WWOX: variants seen among roughly 807,000 people sequenced by gnomAD.
WWOX encodes the protein WW domain containing oxidoreductase, also known as WW domain-containing oxidoreductase.
WWOX carries 69 observed loss-of-function variants against 46.2 expected under a neutral mutation model. The observed-to-expected ratio is 1.49, with a 90% CI of 1.23 to 1.82. WWOX has a LOEUF of 1.82. WWOX is among the 40% of genes most tolerant of loss of function. The pLI, the probability that WWOX is intolerant of heterozygous loss-of-function variation, is 0.00. For synonymous variants in WWOX, 359 were observed against 202.6 expected, an observed-to-expected ratio of 1.77 and a Z score of -6.56; for missense variants, 919 against 542.6, an observed-to-expected ratio of 1.69 and a Z score of -6.89.
At chr16:79,132,686 G>T (rs183107822) in intron 8 of WWOX, among the ~76,000 whole-genome samples, 1 of 151,316 alleles carries the variant, frequency 6.6e-6, no homozygotes, top group Non-Finnish European at 1.5e-5. Flanking sequence ...TTATATTGTC[G>T]CTTAAAAAAA....
At chr16:79,052,363 A>G (rs1405356089) in intron 8 of WWOX, among the ~76,000 whole-genome samples, 1 of 152,360 alleles carries the variant, frequency 6.6e-6, no homozygotes, top group South Asian at 2.1e-4. Flanking sequence ...TACAAAGGAC[A>G]TGAACTCATC....
intron 8 of WWOX, among the ~76,000 whole-genome samples, chr16:78,921,453 TAAC>T (rs1359188450): frequency 1.3e-5 from 2 of 152,150 alleles, no homozygotes; most frequent in African/African-American, 2.4e-5. Context: ...AAAATCATAG[TAAC>T]AACAGCTCTT....
chr16:78,661,011 TACTATTAC>T, intron 8 of WWOX, among the ~76,000 whole-genome samples: 1 of 152,320 alleles, frequency 6.6e-6, no homozygotes, highest in South Asian at 2.1e-4. Flanking sequence ...ATCCATGTCT[TACTATTAC>T]ACATGACTTA....
chr16:78,785,741 G>C (rs946783869), intron 8 of WWOX, among the ~76,000 whole-genome samples: 2 of 152,024 alleles, frequency 1.3e-5, no homozygotes, highest in African/African-American at 4.8e-5. Context: ...TAAGAAGTAA[G>C]GCAAAAACAA....
At chr16:78,599,984 A>G (rs1490789194) in intron 8 of WWOX, among the ~76,000 whole-genome samples, 1 of 152,120 alleles carries the variant, frequency 6.6e-6, no homozygotes, top group Non-Finnish European at 1.5e-5. Context: ...TGCAGGAAAG[A>G]GGCTTAGTGG....
At chr16:79,170,919 C>G (rs1481916367) in intron 8 of WWOX, among the ~76,000 whole-genome samples, 5 of 152,204 alleles carry the variant, frequency 3.3e-5, no homozygotes, top group East Asian at 3.9e-4. Flanking sequence ...AGTGCCTTGC[C>G]TACAAATTTT....
intron 8 of WWOX, among the ~76,000 whole-genome samples, chr16:78,919,146 A>G (rs192850078): frequency 3.5e-4 from 53 of 152,298 alleles, no homozygotes; most frequent in Admixed American, 2.9e-3. Context: ...AATGACCGCA[A>G]TAACCAACAT....
chr16:78,928,200 T>A (rs901603101), intron 8 of WWOX, among the ~76,000 whole-genome samples: 8 of 147,592 alleles, frequency 5.4e-5, no homozygotes, highest in Non-Finnish European at 3.0e-5. Context: ...CCCTACCACT[T>A]TTCTTTTTTT....
chr16:78,134,537 A>G (rs1597248781), intron 4 of WWOX, among the ~76,000 whole-genome samples: 1 of 152,050 alleles, frequency 6.6e-6, no homozygotes, highest in East Asian at 1.9e-4. Flanking sequence ...TTATCTCTTC[A>G]TTCTCTGTTT....
chr16:78,587,037 T>G (rs189459139), intron 8 of WWOX, among the ~76,000 whole-genome samples: 2 of 152,062 alleles, frequency 1.3e-5, no homozygotes, highest in Non-Finnish European at 2.9e-5. Context: ...TTAGTGTTCC[T>G]TTTTTAGAGA....
At chr16:78,862,881 T>G (rs1032489504) in intron 8 of WWOX, among the ~76,000 whole-genome samples, 1 of 152,054 alleles carries the variant, frequency 6.6e-6, no homozygotes, top group Non-Finnish European at 1.5e-5. Context: ...CTAGAGATAA[T>G]GTTTAACATA....
At chr16:78,677,796 G>A (rs764822624) in intron 8 of WWOX, among the ~76,000 whole-genome samples, 5 of 152,170 alleles carry the variant, frequency 3.3e-5, no homozygotes, top group Non-Finnish European at 5.9e-5. Flanking sequence ...GGAACTGAGG[G>A]TGGTCAGTGA....
chr16:78,981,025 A>G (rs182579130), intron 8 of WWOX, among the ~76,000 whole-genome samples: 9 of 152,304 alleles, frequency 5.9e-5, no homozygotes, highest in African/African-American at 1.4e-4. Context: ...GTGTTGCGTC[A>G]TCATGGGGCA....
At chr16:79,100,928 C>A (rs1019467909) in intron 8 of WWOX, among the ~76,000 whole-genome samples, 1 of 151,742 alleles carries the variant, frequency 6.6e-6, no homozygotes, top group African/African-American at 2.4e-5. Flanking sequence ...GGGGTTTTCT[C>A]CATAGGGGTT....
intron 5 of WWOX, among the ~76,000 whole-genome samples, chr16:78,303,655 A>T (rs1184631377): frequency 6.6e-6 from 1 of 152,104 alleles, no homozygotes; most frequent in African/African-American, 2.4e-5. Flanking sequence ...AGCGATTCTC[A>T]TGCCTCAGAC....
chr16:78,303,287 T>C (rs2080075026), intron 5 of WWOX, among the ~76,000 whole-genome samples: 1 of 152,218 alleles, frequency 6.6e-6, no homozygotes, highest in African/African-American at 2.4e-5. Context: ...ATCCAAGTAA[T>C]AATCAGAAGT....
intron 8 of WWOX, among the ~76,000 whole-genome samples, chr16:78,914,875 C>T (rs137967805): frequency 0.057 from 6,826 of 119,944 alleles, 252 homozygotes; most frequent in Non-Finnish European, 0.085. Context: ...CGAGACTCCG[C>T]CTCAGAAAAA....
chr16:78,397,122 A>G (rs749366374), intron 6 of WWOX, among the ~76,000 whole-genome samples: 17 of 152,182 alleles, frequency 1.1e-4, no homozygotes, highest in African/African-American at 2.4e-4. Context: ...AAACTCCCCC[A>G]TGATATTTCA....
rs1172257988 is a variant in WWOX at position 78,338,767 on chromosome 16, T to G, written c.517-48093T>G. Among the ~76,000 whole-genome samples, 2 of 121,696 alleles carry G rather than the reference T, an allele frequency of 1.6e-5. 1 individual carries two copies. The highest frequency in any genetic ancestry group is 3.9e-5 in the Non-Finnish European group (2 of 50,850). The allele number at this position is 121,696 out of a possible 152,430, so 79.8% of individuals were successfully genotyped here. A position where few individuals can be genotyped will look rare whatever the true frequency, so the allele number is the denominator to read the frequency against. On this transcript the variant is annotated intron_variant, in intron 5 of 8. Transcript: ENST00000566780. The stretch of plus-strand genomic sequence containing the variant: ...CTTTTTATTTCTTCTCTTTTTCTGT[T>G]TTCTTCTTCCATTTTTATGTTTTGC...
Sources: allele counts gnomAD v4.1 joint callset (sites outside exome capture counted in the v4.1 genomes callset), GRCh38; gene constraint gnomAD v4.1.1; transcripts MANE v1.5; gene names NCBI Gene and HGNC (gene_info 2026-07-23, HGNC 2026-07-21).